Variants in OSBPL3 observed in about 807,000 individuals in gnomAD.
OSBPL3 encodes oxysterol binding protein like 3, also known as oxysterol-binding protein-related protein 3.
Under a neutral mutation model 120.1 loss-of-function variants are expected in OSBPL3, and 65 were observed. The observed-to-expected ratio is 0.54, with a 90% CI of 0.44 to 0.67. The LOEUF (loss-of-function observed/expected upper bound fraction) is 0.67. Among genes scored for constraint, OSBPL3 ranks in the 30% least tolerant of loss-of-function variants. The probability of loss-of-function intolerance (pLI) is 0.00; values close to 1 mark genes in which losing one functional copy is unlikely to be tolerated. For synonymous variants in OSBPL3, 416 were observed against 402.6 expected, an observed-to-expected ratio of 1.03 and a Z score of -0.40; for missense variants, 1,004 against 1,082.1, an observed-to-expected ratio of 0.93 and a Z score of 1.01.
chr7:24,890,504 G>A lies in OSBPL3; in HGVS notation c.96+1873C>T, dbSNP rs144387383. 2.5e-3 allele frequency among the ~76,000 whole-genome samples: 380 copies of A among 152,270 alleles called. 1 individual carries two copies. The highest frequency in any genetic ancestry group is 7.8e-3 in the African/African-American group (322 of 41,544). On this transcript the variant is annotated intron_variant, in intron 2 of 22. Transcript: ENST00000313367. ...GGGTATGGGGGCCAAGGTGGACCCCGTGGATGGAAACACTAAGCATACCCT... is the reference window on the plus strand; with the variant it reads ...GGGTATGGGGGCCAAGGTGGACCCCATGGATGGAAACACTAAGCATACCCT...
At chr7:24,826,913 A>T (rs990663652) in intron 16 of OSBPL3, among the ~76,000 whole-genome samples, 4 of 152,122 alleles carry the variant, frequency 2.6e-5, no homozygotes, top group African/African-American at 9.7e-5. Context: ...CACCTCGAAC[A>T]TCCACATGCC....
intron 16 of OSBPL3, among the ~76,000 whole-genome samples, chr7:24,823,193 C>CTCTG (rs1287366337): frequency 6.6e-6 from 1 of 152,156 alleles, no homozygotes; most frequent in African/African-American, 2.4e-5. Context: ...TCCCTTCAGC[C>CTCTG]TCTGTCACCT....
chr7:24,809,722 A>G, intron 20 of OSBPL3, 85 bp downstream of exon 20: 1 of 1,292,656 alleles, frequency 7.7e-7, no homozygotes, highest in Non-Finnish European at 1.1e-6. Flanking sequence ...CTGAACAGAC[A>G]CTACTCCTGT....
intron 1 of OSBPL3, among the ~76,000 whole-genome samples, chr7:24,942,920 G>A (rs1813267972): frequency 6.6e-6 from 1 of 152,194 alleles, no homozygotes; most frequent in Admixed American, 6.5e-5. Context: ...CGGTGATTAA[G>A]AAACTACATT....
chr7:24,824,757 T>C lies in OSBPL3; in HGVS notation c.1885-4519A>G, dbSNP rs1795500555. On this transcript the variant is annotated intron_variant, in intron 16 of 22. Coordinates refer to ENST00000313367, the MANE Select transcript of OSBPL3 (RefSeq NM_015550.4). This position sits in a 1 kb window ranked among gnomAD's most constrained non-coding sequence, Gnocchi z 4.9. The stretch of plus-strand genomic sequence containing the variant: ...CATAATTTGTCAGTAGAAATTGTGT[T>C]AAGGAAAATAAAGCAGGGCATGAGG... Among the ~76,000 whole-genome samples, 1 of 152,090 alleles carries C rather than the reference T, an allele frequency of 6.6e-6. No homozygotes were observed. Among genetic ancestry groups the C allele is most frequent in the Non-Finnish European group, 1.5e-5 (1 of 68,014 alleles).
intron 1 of OSBPL3, among the ~76,000 whole-genome samples, chr7:24,962,418 G>A (rs1260165139): frequency 2.2e-5 from 3 of 134,968 alleles, no homozygotes; most frequent in Non-Finnish European, 4.9e-5. Flanking sequence ...AGGGAGGGGA[G>A]GGGAGGGGAG....
At chr7:24,843,480 G>T (rs1362923959) in intron 12 of OSBPL3, among the ~76,000 whole-genome samples, 1 of 152,158 alleles carries the variant, frequency 6.6e-6, no homozygotes, top group Non-Finnish European at 1.5e-5. Flanking sequence ...ATTATATCTT[G>T]CCCAGAAATT....
Position 24,834,294 on chromosome 7 carries a change from T to G in OSBPL3, c.1746+192A>C, listed in dbSNP as rs1796725275. On this transcript the variant is annotated intron_variant, in intron 15 of 22. Coordinates refer to ENST00000313367, the MANE Select transcript of OSBPL3 (RefSeq NM_015550.4). The surrounding 1 kb of genome is among the most constrained non-coding windows in gnomAD (Gnocchi z 5.2). ...CACGGAGAAGCACCCCAACCCCGTC[T>G]CCAAATCCTCACAAGGTGACTGGAA... is the stretch of plus-strand genomic sequence containing the variant. 1 of 1,428,818 alleles carries G rather than the reference T, an allele frequency of 7.0e-7. No homozygotes were observed. The highest frequency in any genetic ancestry group is 1.4e-5 in the African/African-American group (1 of 69,402). 88.5% of individuals were successfully genotyped at this position (1,428,818 alleles called of 1,614,324 possible).
At position 24,934,953 on chromosome 7, in the gene OSBPL3, C is replaced by T. The variant is rs572280542; in HGVS notation, c.-149-42332G>A. On this transcript the variant is annotated intron_variant, in intron 1 of 22. Transcript: ENST00000313367. ...GCATTTTCTTAAAAATTGTATGTAG[C>T]CATTTAAAATGACTCACAAGAACTT... Among the ~76,000 whole-genome samples the T allele has an allele frequency of 3.9e-5, 6 of 152,226 alleles. No homozygotes were observed. The South Asian group carries it at 1.2e-3, about 32-fold the overall frequency.
Position 24,800,222 on chromosome 7 carries a change from A to G in OSBPL3, c.2625T>C (p.Asp875=), listed in dbSNP as rs754830478. 1 of 1,612,038 alleles carries G rather than the reference A, an allele frequency of 6.2e-7. No homozygotes were observed. The highest frequency in any genetic ancestry group is 8.5e-7 in the Non-Finnish European group (1 of 1,178,204). ...SNGTYLELRK[D]LGFSKLDHPV... is the part of the protein sequence containing the mutation. ...GATGGTCCAGTTTGGAAAAACCAAGATCTTTTCTAAGTTCCAAATAGGTGC... is the reference window on the plus strand; with the variant it reads ...GATGGTCCAGTTTGGAAAAACCAAGGTCTTTTCTAAGTTCCAAATAGGTGC... The change falls in exon 23 of 23, where the codon GAT becomes GAC. Residue 875 remains aspartate (D), a synonymous_variant. Transcript: ENST00000313367.
In OSBPL3 at chr7:24,933,039, G is replaced by A. The variant is rs10265239; in HGVS notation, c.-149-40418C>T. ...CAACTCCAGTCTTCACGGTTCACAG[G>A]AGGAGAATGGAAGGGCTGCTGCCCA... is the stretch of plus-strand genomic sequence containing the variant. On this transcript the variant is annotated intron_variant, in intron 1 of 22. Coordinates refer to ENST00000313367, the MANE Select transcript of OSBPL3 (RefSeq NM_015550.4). The surrounding 1 kb of genome is among the most constrained non-coding windows in gnomAD (Gnocchi z 5.1). Among the ~76,000 whole-genome samples the A allele has an allele frequency of 0.18, 27,658 of 152,214 alleles. 2,730 individuals carry two copies. The highest frequency in any genetic ancestry group is 0.22 in the African/African-American group (9,001 of 41,512).
chr7:24,935,180 A>C (rs576104078), intron 1 of OSBPL3, among the ~76,000 whole-genome samples: 1 of 152,290 alleles, frequency 6.6e-6, no homozygotes, highest in South Asian at 2.1e-4. Context: ...TAATTGAAGA[A>C]ATATATATTC....
At position 24,817,612 on chromosome 7, in the gene OSBPL3, A is replaced by C. The variant is rs147661513; in HGVS notation, c.1949-924T>G. 2.1e-3 allele frequency among the ~76,000 whole-genome samples: 317 copies of C among 152,370 alleles called. 2 individuals carry two copies. Among genetic ancestry groups the C allele is most frequent in the African/African-American group, 7.1e-3 (296 of 41,594 alleles). On this transcript the variant is annotated intron_variant, in intron 17 of 22. Coordinates refer to ENST00000313367, the MANE Select transcript of OSBPL3 (RefSeq NM_015550.4). The surrounding 1 kb of genome is among the most constrained non-coding windows in gnomAD (Gnocchi z 4.0). ...AAATAATCAGGCCACTGATGTGATTAGACATGGACCTTGCAAAGGCAATTG... is the reference window on the plus strand; with the variant it reads ...AAATAATCAGGCCACTGATGTGATTCGACATGGACCTTGCAAAGGCAATTG...
In OSBPL3 at chr7:24,813,033, C is replaced by T. The variant is rs539470195; in HGVS notation, c.2172+2026G>A. On this transcript the variant is annotated intron_variant, in intron 19 of 22. Coordinates refer to ENST00000313367, the MANE Select transcript of OSBPL3 (RefSeq NM_015550.4). This position sits in a 1 kb window ranked among gnomAD's most constrained non-coding sequence, Gnocchi z 4.5. ...AGCTGGGACTACAGGTGCATGCCACCGTGTCTGGCTAATTTTTAAATTTGT... is the reference window on the plus strand; with the variant it reads ...AGCTGGGACTACAGGTGCATGCCACTGTGTCTGGCTAATTTTTAAATTTGT... Among the ~76,000 whole-genome samples, 3 of 152,198 alleles carry T rather than the reference C, an allele frequency of 2.0e-5. No individual in the cohort carries two copies. The highest frequency in any genetic ancestry group is 2.1e-4 in the South Asian group (1 of 4,820).
chr7:24,895,161 A>C (rs1257236752), intron 1 of OSBPL3, among the ~76,000 whole-genome samples: 1 of 152,216 alleles, frequency 6.6e-6, no homozygotes, highest in Non-Finnish European at 1.5e-5. Flanking sequence ...CTAAAAAGTA[A>C]AGGAAGTCAA....
chr7:24,944,487 G>A (rs987260019), intron 1 of OSBPL3, among the ~76,000 whole-genome samples: 4 of 152,080 alleles, frequency 2.6e-5, no homozygotes, highest in Middle Eastern at 3.4e-3. Flanking sequence ...AAAATTAGCC[G>A]GGCATGGTGG....
chr7:24,834,369 G>A lies in OSBPL3; in HGVS notation c.1746+117C>T. 3.3e-6 allele frequency: 5 copies of A among 1,514,252 alleles called. No individual in the cohort carries two copies. In the South Asian group the frequency reaches 4.0e-5, roughly 12 times the overall value. The allele number at this position is 1,514,252 out of a possible 1,614,324, so 93.8% of individuals were successfully genotyped here. ...AGCTCTGAGTAATGAACCTGTTTACGGAACAATCAAAATGAAACCGGAGGG... is the reference window on the plus strand; with the variant it reads ...AGCTCTGAGTAATGAACCTGTTTACAGAACAATCAAAATGAAACCGGAGGG... On this transcript the variant is annotated intron_variant, in intron 15 of 22. Transcript: ENST00000313367. The surrounding 1 kb of genome is among the most constrained non-coding windows in gnomAD (Gnocchi z 5.2).
chr7:24,867,234 T>G lies in OSBPL3; in HGVS notation c.382-997A>C, dbSNP rs1211854191. Among the ~76,000 whole-genome samples, 1 of 152,258 alleles carries G rather than the reference T, an allele frequency of 6.6e-6. No homozygotes were observed. The highest frequency in any genetic ancestry group is 2.4e-5 in the African/African-American group (1 of 41,462). On this transcript the variant is annotated intron_variant, in intron 5 of 22. Transcript: ENST00000313367. The surrounding 1 kb of genome is among the most constrained non-coding windows in gnomAD (Gnocchi z 4.5). ...AGCTTCTCTATCCCTACTGAAAATA[T>G]TAGCACCATTTTTCTTTTTAAACTC...
intron 12 of OSBPL3, among the ~76,000 whole-genome samples, chr7:24,845,254 T>C (rs55743649): frequency 0.015 from 2,233 of 151,974 alleles, 28 homozygotes; most frequent in Non-Finnish European, 0.023. Flanking sequence ...TTAGGCTGAA[T>C]AGTTTTTCCT....
Sources: allele counts gnomAD v4.1 joint callset (sites outside exome capture counted in the v4.1 genomes callset), GRCh38; gene constraint gnomAD v4.1.1; non-coding constraint Gnocchi (gnomAD v3.1); transcripts MANE v1.5; gene names NCBI Gene and HGNC (gene_info 2026-07-23, HGNC 2026-07-21).